ZBTB20: variants seen among roughly 807,000 people sequenced by gnomAD.
The protein encoded by ZBTB20 is zinc finger and BTB domain containing 20.
In ZBTB20, 9 loss-of-function variants were observed where a neutral mutation model predicts 56.9. That is an observed-to-expected ratio of 0.16 (90% confidence interval 0.10 to 0.28). The LOEUF is 0.28. Among genes scored for constraint, ZBTB20 ranks in the 10% least tolerant of loss-of-function variants. ZBTB20 has a pLI of 1.00. For synonymous variants in ZBTB20, 417 were observed against 420.7 expected, an observed-to-expected ratio of 0.99 and a Z score of 0.11; for missense variants, 655 against 1,003.0, an observed-to-expected ratio of 0.65 and a Z score of 4.69.
chr3:114,929,485 T>C (rs1276837499), intron 3 of ZBTB20, among the ~76,000 whole-genome samples: 4 of 152,352 alleles, frequency 2.6e-5, no homozygotes, highest in Middle Eastern at 3.4e-3. Flanking sequence ...AGCTTAACTA[T>C]AGATGAAGGA....
chr3:114,913,315 T>C (rs1411938181), intron 3 of ZBTB20, among the ~76,000 whole-genome samples: 2 of 152,114 alleles, frequency 1.3e-5, no homozygotes, highest in African/African-American at 4.8e-5. Context: ...AGTTTTGATT[T>C]GCATTTCTCT....
At chr3:114,480,505 T>C (rs2041410333) in intron 7 of ZBTB20, among the ~76,000 whole-genome samples, 2 of 152,228 alleles carry the variant, frequency 1.3e-5, no homozygotes, top group South Asian at 4.1e-4. Flanking sequence ...GTAAATATGA[T>C]GTTCTGGAGG....
At chr3:114,823,684 T>C (rs2073371039) in intron 4 of ZBTB20, among the ~76,000 whole-genome samples, 1 of 152,112 alleles carries the variant, frequency 6.6e-6, no homozygotes, top group Non-Finnish European at 1.5e-5. Context: ...GCAGTGCAGT[T>C]GTTGTACTAT....
chr3:114,629,502 A>G (rs780131983), intron 6 of ZBTB20, among the ~76,000 whole-genome samples: 1 of 152,144 alleles, frequency 6.6e-6, no homozygotes, highest in Non-Finnish European at 1.5e-5. Context: ...TAAAAATTTG[A>G]TATTTAAACT....
At chr3:114,854,240 T>C (rs1261618419) in intron 4 of ZBTB20, among the ~76,000 whole-genome samples, 2 of 152,200 alleles carry the variant, frequency 1.3e-5, no homozygotes, top group African/African-American at 2.4e-5. Flanking sequence ...AAATACTTTG[T>C]ATACTAACAA....
intron 6 of ZBTB20, among the ~76,000 whole-genome samples, chr3:114,612,036 C>T (rs1456783749): frequency 6.6e-6 from 1 of 152,222 alleles, no homozygotes; most frequent in East Asian, 1.9e-4. Context: ...TTCCTGTATA[C>T]ACCAACTTTA....
intron 4 of ZBTB20, among the ~76,000 whole-genome samples, chr3:114,891,855 C>T (rs1172221682): frequency 1.3e-5 from 2 of 151,932 alleles, no homozygotes; most frequent in South Asian, 2.1e-4. Context: ...GAGACCAGCC[C>T]GGGCAACATG....
chr3:114,445,140 T>TA (rs1268777474), intron 7 of ZBTB20, among the ~76,000 whole-genome samples: 1 of 152,186 alleles, frequency 6.6e-6, no homozygotes, highest in Non-Finnish European at 1.5e-5. Context: ...TACACTTACA[T>TA]AAATCTTTAA....
chr3:114,446,256 G>C (rs182933003), intron 7 of ZBTB20, among the ~76,000 whole-genome samples: 10 of 152,252 alleles, frequency 6.6e-5, no homozygotes, highest in South Asian at 4.1e-4. Flanking sequence ...TGGGGTTTCA[G>C]ACTGAGAATG....
intron 10 of ZBTB20, among the ~76,000 whole-genome samples, chr3:114,352,498 CCAAA>C (rs1374277504): frequency 2.6e-5 from 4 of 152,194 alleles, no homozygotes; most frequent in Non-Finnish European, 4.4e-5. Context: ...AAGATATCTA[CCAAA>C]CAGTCATGAT....
At chr3:114,416,873 T>C (rs1046596638) in intron 7 of ZBTB20, among the ~76,000 whole-genome samples, 1 of 152,216 alleles carries the variant, frequency 6.6e-6, no homozygotes, top group East Asian at 1.9e-4. Context: ...TTTTCAAATA[T>C]GTTTGAAGAA....
In ZBTB20 at chr3:114,844,367, A is replaced by G. The variant is rs1274418709; in HGVS notation, c.-416-43193T>C. Among the ~76,000 whole-genome samples, 7 of 91,718 alleles carry G rather than the reference A, an allele frequency of 7.6e-5. No homozygotes were observed. In the Admixed American group the frequency reaches 8.2e-4, roughly 11 times the overall value. The allele number at this position is 91,718 out of a possible 152,430, so 60.2% of individuals were successfully genotyped here. A position where few individuals can be genotyped will look rare whatever the true frequency, so the allele number is the denominator to read the frequency against. On this transcript the variant is annotated intron_variant, in intron 4 of 11. Coordinates refer to ENST00000675478, the MANE Select transcript of ZBTB20 (RefSeq NM_001348800.3). ...TATATATATATATATATATATATAT[A>G]TATATTAGCTGAGAGTGGTGGTGCA...
In ZBTB20 at chr3:114,335,330, G is replaced by A. The variant is rs2079414322; in HGVS notation, c.*3675C>T. The A allele has an allele frequency of 2.0e-5, 3 of 151,818 alleles. No homozygotes were observed. Among genetic ancestry groups the A allele is most frequent in the African/African-American group, 7.3e-5 (3 of 41,318 alleles). 9.4% of individuals were successfully genotyped at this position (151,818 alleles called of 1,614,324 possible). A position where few individuals can be genotyped will look rare whatever the true frequency, so the allele number is the denominator to read the frequency against. ...AGCACTCATATCACCCTACCATGAA[G>A]GTCTAAATGTAAGATGACTGTAGGA... On this transcript the variant is annotated 3_prime_UTR_variant, in exon 12 of 12. Transcript: ENST00000675478.
chr3:114,910,181 T>C (rs1294731518), intron 3 of ZBTB20, among the ~76,000 whole-genome samples: 1 of 151,960 alleles, frequency 6.6e-6, no homozygotes, highest in Admixed American at 6.6e-5. Context: ...TGAAATAATA[T>C]GAACAATTTT....
chr3:114,347,036 A>T (rs145312324), intron 11 of ZBTB20, among the ~76,000 whole-genome samples: 2,074 of 143,182 alleles, frequency 0.014, 35 homozygotes, highest in Non-Finnish European at 0.017. Context: ...GCAGTACAAG[A>T]TTTTAATTGG....
intron 5 of ZBTB20, among the ~76,000 whole-genome samples, chr3:114,724,598 T>G (rs913214969): frequency 1.3e-5 from 2 of 152,200 alleles, no homozygotes; most frequent in African/African-American, 4.8e-5. Flanking sequence ...ATCCCTTCTT[T>G]AAAATGCGGC....
chr3:114,619,254 A>G (rs778885240), intron 6 of ZBTB20, among the ~76,000 whole-genome samples: 1 of 152,174 alleles, frequency 6.6e-6, no homozygotes, highest in Non-Finnish European at 1.5e-5. Flanking sequence ...TCCATTGTTC[A>G]AGGGTTAATT....
intron 2 of ZBTB20, among the ~76,000 whole-genome samples, chr3:115,022,321 T>C (rs2108307544): frequency 6.6e-6 from 1 of 151,192 alleles, no homozygotes; most frequent in South Asian, 2.1e-4. Flanking sequence ...TGAAAATTTA[T>C]GCAACCAAAA....
chr3:114,587,249 G>A (rs2055277256), intron 6 of ZBTB20, among the ~76,000 whole-genome samples: 3 of 151,834 alleles, frequency 2.0e-5, no homozygotes, highest in South Asian at 2.1e-4. Flanking sequence ...TGCCCACCTC[G>A]GCCTCTCAAA....
Sources: gnomAD v4.1 joint callset for allele counts (sites outside exome capture counted in the v4.1 genomes callset) on GRCh38, gnomAD v4.1.1 for gene constraint, MANE v1.5 for transcripts, NCBI Gene and HGNC (gene_info 2026-07-23, HGNC 2026-07-21) for gene names.